Variants in PHEX observed in about 807,000 individuals in gnomAD.
PHEX encodes phosphate regulating endopeptidase X-linked.
Under a neutral mutation model 68.0 loss-of-function variants are expected in PHEX, and 16 were observed. That is an observed-to-expected ratio of 0.24 (90% CI 0.16 to 0.36). PHEX has a LOEUF of 0.36. Among genes scored for constraint, PHEX ranks in the 10% least tolerant of loss-of-function variants. The probability of loss-of-function intolerance (pLI) is 1.00; values close to 1 mark genes in which losing one functional copy is unlikely to be tolerated. For missense variants in PHEX, 480 were observed against 575.5 expected, an observed-to-expected ratio of 0.83 and a Z score of 1.70; for synonymous variants, 208 against 205.1, an observed-to-expected ratio of 1.01 and a Z score of -0.12.
chrX:22,066,502 G>A (rs1190070230), intron 3 of PHEX, among the ~76,000 whole-genome samples: 2 of 112,416 alleles, frequency 1.8e-5, no homozygotes, highest in Admixed American at 9.4e-5. Context: ...AAATCTGCCA[G>A]GGAAGTCATG....
intron 2 of PHEX, among the ~76,000 whole-genome samples, chrX:22,041,804 T>C (rs1218835590): frequency 9.0e-6 from 1 of 111,366 alleles, no homozygotes; most frequent in African/African-American, 3.3e-5. Flanking sequence ...AGGCCACTTA[T>C]TTCATGAGTT....
intron 20 of PHEX, among the ~76,000 whole-genome samples, chrX:22,240,760 C>T (rs1380166852): frequency 5.4e-5 from 6 of 111,692 alleles, no homozygotes; most frequent in Non-Finnish European, 9.4e-5. Context: ...ATTCATAAAG[C>T]AAGTTCTCAG....
chrX:22,222,543 C>T (rs778413934), intron 18 of PHEX, among the ~76,000 whole-genome samples: 1 of 111,801 alleles, frequency 8.9e-6, no homozygotes, highest in African/African-American at 3.3e-5. Context: ...CAAGGCCTGA[C>T]ATAAAGCAAG....
At chrX:22,199,737 G>A (rs1336016917) in intron 15 of PHEX, among the ~76,000 whole-genome samples, 1 of 112,092 alleles carries the variant, frequency 8.9e-6, no homozygotes, top group East Asian at 2.8e-4. Flanking sequence ...CCAAAGAGAA[G>A]CTTCCTTTCA....
intron 9 of PHEX, among the ~76,000 whole-genome samples, chrX:22,108,323 C>T (rs1211711254): frequency 9.0e-6 from 1 of 110,702 alleles, no homozygotes; most frequent in African/African-American, 3.3e-5. Context: ...AGGCTTTATA[C>T]AGAGTGGTAT....
In PHEX at chrX:22,129,851, C is replaced by T. The variant is rs1540282; in HGVS notation, c.1303-3672C>T. Among the ~76,000 whole-genome samples the T allele has an allele frequency of 4.1e-3, 447 of 110,195 alleles. 12 individuals carry two copies. In the East Asian group the frequency reaches 0.065, roughly 16 times the overall value. On this transcript the variant is annotated intron_variant, in intron 11 of 21. Transcript: ENST00000379374. ...CCTCAGACCCTTCCCTTAACCCTAC[C>T]TCTACTTCTCTCCTATCTTTGCTTT...
intron 18 of PHEX, among the ~76,000 whole-genome samples, chrX:22,223,548 C>G (rs1407350373): frequency 1.8e-5 from 2 of 111,736 alleles, no homozygotes; most frequent in Non-Finnish European, 3.8e-5. Context: ...ATTTTGATAC[C>G]AGCCTGGGAA....
chrX:22,180,398 A>C (rs758737880), intron 14 of PHEX, among the ~76,000 whole-genome samples: 1 of 111,022 alleles, frequency 9.0e-6, no homozygotes, highest in African/African-American at 3.3e-5. Context: ...CCCTTCTATT[A>C]CTATTTCAGT....
At chrX:22,182,822 G>A (rs762473862) in intron 14 of PHEX, among the ~76,000 whole-genome samples, 5 of 111,854 alleles carry the variant, frequency 4.5e-5, no homozygotes, top group Non-Finnish European at 9.4e-5. Context: ...ACAAAACTAA[G>A]GTCTCACTGA....
At chrX:22,238,221 C>T (rs984659188) in intron 20 of PHEX, among the ~76,000 whole-genome samples, 3 of 112,392 alleles carry the variant, frequency 2.7e-5, no homozygotes, top group African/African-American at 9.7e-5. Context: ...TTCTGCATTT[C>T]CAACTGAGGT....
At chrX:22,232,271 A>G (rs1013831186) in intron 20 of PHEX, among the ~76,000 whole-genome samples, 5 of 111,592 alleles carry the variant, frequency 4.5e-5, no homozygotes, top group African/African-American at 1.6e-4. Context: ...AGAGTTCTGT[A>G]GATGCCTATT....
At chrX:22,223,526 C>G (rs148173548) in intron 18 of PHEX, among the ~76,000 whole-genome samples, 3,683 of 111,748 alleles carry the variant, frequency 0.033, 150 homozygotes, top group African/African-American at 0.11. Flanking sequence ...GGGAGGATCA[C>G]TTGAACCTAG....
rs947679263 is a variant in PHEX, at chrX:22,154,052, T to C, written c.1405-14260T>C. On this transcript the variant is annotated intron_variant, in intron 12 of 21. Coordinates refer to ENST00000379374, the MANE Select transcript of PHEX (RefSeq NM_000444.6). ...TATCATCCTGGGATTTAGGTGGCAC[T>C]GGCCAGAAATTGGGTTGAATTGCAA... 5.4e-5 allele frequency among the ~76,000 whole-genome samples: 6 copies of C among 111,708 alleles called. No individual in the cohort carries two copies. The South Asian group carries it at 1.1e-3, about 21-fold the overall frequency.
intron 20 of PHEX, among the ~76,000 whole-genome samples, chrX:22,240,637 C>A (rs1936154386): frequency 1.1e-5 from 1 of 94,213 alleles, no homozygotes; most frequent in Admixed American, 1.1e-4. Context: ...TTTAATCCAA[C>A]AAAGATCAAA....
At chrX:22,053,796 A>T (rs1927947703) in intron 3 of PHEX, among the ~76,000 whole-genome samples, 1 of 112,323 alleles carries the variant, frequency 8.9e-6, no homozygotes, top group Non-Finnish European at 1.9e-5. Context: ...TTTCAAGCCC[A>T]GCTTCAGCAG....
chrX:22,249,455 A>AAAAAAAAAAAAT lies in PHEX; in HGVS notation c.*1503_*1504insAAAAAAAAAATA. ...TTGTGATTCTTTTAAAAAAAAAAAA[A>AAAAAAAAAAAAT]ATATATATATATATATATATATATA... On this transcript the variant is annotated 3_prime_UTR_variant, in exon 22 of 22. Coordinates refer to ENST00000379374, the MANE Select transcript of PHEX (RefSeq NM_000444.6). 3 of 39,758 alleles carry AAAAAAAAAAAAT rather than the reference A, an allele frequency of 7.5e-5. No homozygotes were observed. Among genetic ancestry groups the AAAAAAAAAAAAT allele is most frequent in the African/African-American group, 5.0e-4 (3 of 6,017 alleles). 3.3% of individuals were successfully genotyped at this position (39,758 alleles called of 1,213,427 possible).
At chrX:22,081,141 G>A (rs987809566) in intron 5 of PHEX, among the ~76,000 whole-genome samples, 1 of 110,344 alleles carries the variant, frequency 9.1e-6, no homozygotes, top group Non-Finnish European at 1.9e-5. Context: ...ACCTTTTGGT[G>A]GGAAACTGAA....
At chrX:22,141,152 C>T (rs1007032720) in intron 12 of PHEX, among the ~76,000 whole-genome samples, 11 of 111,188 alleles carry the variant, frequency 9.9e-5, no homozygotes, top group Non-Finnish European at 1.7e-4. Context: ...CTCTATCCCA[C>T]ATCTATAGAA....
At chrX:22,237,138 A>G (rs1370841134) in intron 20 of PHEX, among the ~76,000 whole-genome samples, 1 of 112,200 alleles carries the variant, frequency 8.9e-6, no homozygotes, top group African/African-American at 3.2e-5. Flanking sequence ...TACTAAGAAA[A>G]CAGTAGCAGG....
Sources: allele counts gnomAD v4.1 joint callset (sites outside exome capture counted in the v4.1 genomes callset), GRCh38; gene constraint gnomAD v4.1.1; transcripts MANE v1.5; gene names NCBI Gene and HGNC (gene_info 2026-07-23, HGNC 2026-07-21).